The following YTHDF3 variants were observed in gnomAD, a reference collection of about 807,000 sequenced individuals.
The protein encoded by YTHDF3 is YTH N6-methyladenosine RNA binding protein F3.
YTHDF3 carries 9 observed loss-of-function variants against 52.5 expected under a neutral mutation model. The ratio of observed to expected loss-of-function variants is 0.17; its 90% CI spans 0.10 to 0.30. The LOEUF is 0.30. Among genes scored for constraint, YTHDF3 ranks in the 10% least tolerant of loss-of-function variants. The pLI, the probability that YTHDF3 is intolerant of heterozygous loss-of-function variation, is 1.00. For missense variants in YTHDF3, 534 were observed against 715.0 expected (o/e 0.75, Z 2.89); for synonymous variants, 274 against 243.3 (o/e 1.13, Z -1.18).
At chr8:63,173,206 A>ATATATATATATATATATATATC (rs1264719044) in intron 2 of YTHDF3, among the ~76,000 whole-genome samples, 1 of 145,390 alleles carries the variant, frequency 6.9e-6, no homozygotes, top group African/African-American at 2.7e-5. Flanking sequence ...TTATATTTAT[A>ATATATATATATATATATATATC]TATATATACA....
chr8:63,184,627 T>G (rs1450450247), intron 3 of YTHDF3, among the ~76,000 whole-genome samples: 4 of 152,230 alleles, frequency 2.6e-5, no homozygotes, highest in Non-Finnish European at 5.9e-5. Flanking sequence ...TATGACGTTA[T>G]GTCACACATT....
chr8:63,201,680 C>T (rs953908036), intron 4 of YTHDF3, among the ~76,000 whole-genome samples: 11 of 152,098 alleles, frequency 7.2e-5, no homozygotes, highest in African/African-American at 1.2e-4. Flanking sequence ...CTGCATTTGA[C>T]GCGCTTGATA....
intron 2 of YTHDF3, chr8:63,172,532 G>A (rs2129965854): frequency 2.6e-6 from 1 of 382,946 alleles, no homozygotes; most frequent in Non-Finnish European, 4.6e-6. Context: ...TTCTCTCCTC[G>A]TCCTCCCGAG....
In YTHDF3 at chr8:63,210,501, T is replaced by C. The variant is rs1810314893; in HGVS notation, c.*795T>C. ...TAAATGTACCTCAGTCTAATCAGAC[T>C]TTTTATGACCTTTATAACTACATTT... On this transcript the variant is annotated 3_prime_UTR_variant, in exon 5 of 5. Transcript: ENST00000539294. The C allele has an allele frequency of 6.6e-6, 1 of 152,620 alleles. No individual in the cohort carries two copies. The highest frequency in any genetic ancestry group is 2.4e-5 in the African/African-American group (1 of 41,462). The allele number at this position is 152,620 out of a possible 1,614,324, so 9.5% of individuals were successfully genotyped here.
At chr8:63,201,481 C>T (rs2150395050) in intron 4 of YTHDF3, among the ~76,000 whole-genome samples, 1 of 152,232 alleles carries the variant, frequency 6.6e-6, no homozygotes, top group East Asian at 1.9e-4. Flanking sequence ...AGTTAACATG[C>T]ATAAAATTGT....
At chr8:63,180,028 C>G (rs893504442) in intron 3 of YTHDF3, among the ~76,000 whole-genome samples, 5 of 150,138 alleles carry the variant, frequency 3.3e-5, no homozygotes, top group Admixed American at 2.6e-4. Context: ...GGGGGCTGAT[C>G]CCCCCATCTC....
chr8:63,208,942 A>G (rs1810208625), intron 4 of YTHDF3, among the ~76,000 whole-genome samples: 1 of 152,152 alleles, frequency 6.6e-6, no homozygotes, highest in African/African-American at 2.4e-5. Flanking sequence ...ATCTTGGCTC[A>G]TGGCAACCTC....
intron 4 of YTHDF3, among the ~76,000 whole-genome samples, chr8:63,191,486 A>G (rs904624616): frequency 3.9e-5 from 6 of 152,102 alleles, no homozygotes; most frequent in African/African-American, 1.2e-4. Flanking sequence ...TGTTTTCTTA[A>G]TGGAATCCCT....
chr8:63,173,820 T>C (rs1044307200), intron 2 of YTHDF3: 36 of 283,756 alleles, frequency 1.3e-4, no homozygotes, highest in Non-Finnish European at 1.9e-4. Context: ...AGCTCAATCC[T>C]AGTTCTGATG....
At chr8:63,173,717 C>A in intron 2 of YTHDF3, 1 of 983,986 alleles carries the variant, frequency 1.0e-6, no homozygotes, top group Non-Finnish European at 1.2e-6. Flanking sequence ...ATGAATAACC[C>A]AGCCTTATAA....
intron 4 of YTHDF3, among the ~76,000 whole-genome samples, chr8:63,193,559 C>G (rs946261678): frequency 2.0e-5 from 3 of 151,832 alleles, no homozygotes; most frequent in African/African-American, 7.3e-5. Context: ...AGTTTGAGAC[C>G]AGCCTGAGTA....
intron 4 of YTHDF3, among the ~76,000 whole-genome samples, chr8:63,203,618 A>G (rs1241073883): frequency 1.3e-5 from 2 of 152,220 alleles, no homozygotes; most frequent in East Asian, 1.9e-4. Context: ...GTACAATATT[A>G]TTAACTAAAT....
Position 63,212,712 on chromosome 8 carries a change from T to A in YTHDF3, c.*3006T>A, listed in dbSNP as rs1210132874. The A allele has an allele frequency of 6.6e-6, 1 of 152,626 alleles. No homozygotes were observed. Among genetic ancestry groups the A allele is most frequent in the Non-Finnish European group, 1.5e-5 (1 of 68,026 alleles). 9.5% of individuals were successfully genotyped at this position (152,626 alleles called of 1,614,324 possible). On this transcript the variant is annotated 3_prime_UTR_variant, in exon 5 of 5. Coordinates refer to ENST00000539294, the MANE Select transcript of YTHDF3 (RefSeq NM_152758.6). ...GAATGATGGTACAGTTAGGTGAGAT[T>A]TTCTGTTATGGTACCCAAACTCACC... is the stretch of plus-strand genomic sequence containing the variant.
chr8:63,193,065 A>G (rs1330370370), intron 4 of YTHDF3, among the ~76,000 whole-genome samples: 2 of 152,132 alleles, frequency 1.3e-5, no homozygotes, highest in Non-Finnish European at 2.9e-5. Flanking sequence ...CCATCAAAAG[A>G]TGCTTTAAAG....
chr8:63,184,034 C>CA (rs1356998916), intron 3 of YTHDF3, among the ~76,000 whole-genome samples: 6 of 151,684 alleles, frequency 4.0e-5, no homozygotes, highest in South Asian at 2.1e-4. Flanking sequence ...GGAATAATGA[C>CA]AAAAAAAACT....
rs1807055091 is a variant in YTHDF3, at chr8:63,168,676, G to A, written c.-202G>A. 2 of 926,218 alleles carry A rather than the reference G, an allele frequency of 2.2e-6. No homozygotes were observed. Among genetic ancestry groups the A allele is most frequent in the East Asian group, 2.7e-5 (1 of 37,582 alleles). 57.4% of individuals were successfully genotyped at this position (926,218 alleles called of 1,614,324 possible). A position where few individuals can be genotyped will look rare whatever the true frequency, so the allele number is the denominator to read the frequency against. ...CCCGAGAAGCAGAGAGCGAGAGGGG[G>A]AAGAGGAGCGTGCAAGCGGAAAAGA... On this transcript the variant is annotated 5_prime_UTR_variant, in exon 1 of 5. Coordinates refer to ENST00000539294, the MANE Select transcript of YTHDF3 (RefSeq NM_152758.6).
At chr8:63,196,508 G>A (rs1264593411) in intron 4 of YTHDF3, among the ~76,000 whole-genome samples, 2 of 151,118 alleles carry the variant, frequency 1.3e-5, no homozygotes, top group Non-Finnish European at 2.9e-5. Flanking sequence ...GTTGCAGTGA[G>A]CCAAGATTGC....
At chr8:63,198,783 C>G (rs955426261) in intron 4 of YTHDF3, among the ~76,000 whole-genome samples, 1 of 152,092 alleles carries the variant, frequency 6.6e-6, no homozygotes, top group Admixed American at 6.5e-5. Flanking sequence ...TTCTATTACC[C>G]TTTGGTAAAT....
intron 4 of YTHDF3, among the ~76,000 whole-genome samples, chr8:63,187,976 A>G (rs778505239): frequency 6.6e-6 from 1 of 152,160 alleles, no homozygotes; most frequent in Non-Finnish European, 1.5e-5. Flanking sequence ...TACTCCCTAG[A>G]TGATAAAGGC....
Sources: gnomAD v4.1 joint callset for allele counts (sites outside exome capture counted in the v4.1 genomes callset) on GRCh38, gnomAD v4.1.1 for gene constraint, MANE v1.5 for transcripts, NCBI Gene and HGNC (gene_info 2026-07-23, HGNC 2026-07-21) for gene names.